Variants in BMPR1A observed in about 807,000 individuals in gnomAD.
The protein encoded by BMPR1A is bone morphogenetic protein receptor type 1A.
Under a neutral mutation model 66.0 loss-of-function variants are expected in BMPR1A, and 7 were observed. The ratio of observed to expected loss-of-function variants is 0.11; its 90% CI spans 0.06 to 0.20. The LOEUF (loss-of-function observed/expected upper bound fraction) is 0.20, where lower values mean the gene tolerates loss of function less well. Among genes scored for constraint, BMPR1A ranks in the 10% least tolerant of loss-of-function variants. The pLI is 1.00. For synonymous variants in BMPR1A, 200 were observed against 229.7 expected (o/e 0.87, Z 1.17); for missense variants, 408 against 669.1 (o/e 0.61, Z 4.31).
intron 2 of BMPR1A, among the ~76,000 whole-genome samples, chr10:86,848,011 ACC>A (rs1399249520): frequency 6.6e-6 from 1 of 150,724 alleles, no homozygotes; most frequent in Non-Finnish European, 1.5e-5. Context: ...GGCTCACTGC[ACC>A]CTTCGCCCCC....
intron 7 of BMPR1A, among the ~76,000 whole-genome samples, chr10:86,909,281 A>G (rs1002284676): frequency 6.6e-6 from 1 of 152,120 alleles, no homozygotes; most frequent in Non-Finnish European, 1.5e-5. Flanking sequence ...TTAAAATGTC[A>G]ATGTAAGGAT....
At chr10:86,826,925 G>A (rs181702370) in intron 1 of BMPR1A, among the ~76,000 whole-genome samples, 1 of 149,964 alleles carries the variant, frequency 6.7e-6, no homozygotes, top group African/African-American at 2.4e-5. Flanking sequence ...TTTTTAAATT[G>A]TTAAAATATT....
At chr10:86,791,860 T>A (rs1000915597) in intron 1 of BMPR1A, among the ~76,000 whole-genome samples, 1 of 149,198 alleles carries the variant, frequency 6.7e-6, no homozygotes, top group African/African-American at 2.5e-5. Context: ...TAGCTGGGAC[T>A]ACAGATGTGT....
At chr10:86,771,720 T>A (rs1304700709) in intron 1 of BMPR1A, among the ~76,000 whole-genome samples, 3 of 152,190 alleles carry the variant, frequency 2.0e-5, no homozygotes, top group African/African-American at 7.2e-5. Flanking sequence ...GTGGTAGAGA[T>A]TTTCCACATT....
intron 1 of BMPR1A, among the ~76,000 whole-genome samples, chr10:86,759,339 T>C (rs1840988024): frequency 1.3e-5 from 2 of 152,264 alleles, no homozygotes; most frequent in South Asian, 4.1e-4. Flanking sequence ...CTTAGAATGA[T>C]TGTTCAGACC....
rs765530870 is a variant in BMPR1A, at chr10:86,899,806, G to A, written c.346G>A (p.Ala116Thr). 3.1e-6 allele frequency: 5 copies of A among 1,613,904 alleles called. No individual in the cohort carries two copies. In the South Asian group the frequency reaches 5.5e-5, roughly 18 times the overall value. ...SDFQCKDSPKAQLRRTIECCR... is the reference protein window; with the variant it reads ...SDFQCKDSPKTQLRRTIECCR... ...ACTCTTCTTTTAGGATTCTCCAAAA[G>A]CCCAGCTACGCCGGACAATAGAATG... The change falls in exon 6 of 13, where the codon GCC becomes ACC. Residue 116 changes from alanine to threonine, a missense_variant. Transcript: ENST00000372037.
chr10:86,783,756 C>T (rs867358566), intron 1 of BMPR1A, among the ~76,000 whole-genome samples: 5 of 152,074 alleles, frequency 3.3e-5, no homozygotes, highest in Non-Finnish European at 7.4e-5. Context: ...GACCAGCTAA[C>T]TTTTAAATTT....
chr10:86,882,974 A>G (rs1843011801), intron 3 of BMPR1A, among the ~76,000 whole-genome samples: 1 of 152,100 alleles, frequency 6.6e-6, no homozygotes. Flanking sequence ...CAAAAAACAA[A>G]CAAAAAAACC....
At chr10:86,762,734 A>G (rs1366033619) in intron 1 of BMPR1A, among the ~76,000 whole-genome samples, 3 of 152,160 alleles carry the variant, frequency 2.0e-5, no homozygotes, top group East Asian at 3.9e-4. Context: ...TAGTTATGTT[A>G]AGATCTACAA....
At chr10:86,805,377 TACACACACACACACAC>T (rs60828047) in intron 1 of BMPR1A, among the ~76,000 whole-genome samples, 1 of 142,984 alleles carries the variant, frequency 7.0e-6, no homozygotes, top group Non-Finnish European at 1.5e-5. Context: ...CTCCTACCTG[TACACACACACACACAC>T]ACACACACAC....
chr10:86,765,805 C>T (rs1841152263), intron 1 of BMPR1A, among the ~76,000 whole-genome samples: 1 of 152,216 alleles, frequency 6.6e-6, no homozygotes, highest in South Asian at 2.1e-4. Context: ...TTCACCTGTG[C>T]CCCAAGATTG....
At chr10:86,771,225 CAT>C (rs1303540528) in intron 1 of BMPR1A, among the ~76,000 whole-genome samples, 5 of 152,092 alleles carry the variant, frequency 3.3e-5, no homozygotes, top group African/African-American at 1.2e-4. Context: ...CGTTAAATAA[CAT>C]AAAAAGCACT....
intron 1 of BMPR1A, among the ~76,000 whole-genome samples, chr10:86,818,036 C>T (rs370886346): frequency 3.5e-4 from 53 of 152,116 alleles, no homozygotes; most frequent in Middle Eastern, 3.4e-3. Context: ...AATATTTTTT[C>T]GAGACGGAGT....
intron 1 of BMPR1A, among the ~76,000 whole-genome samples, chr10:86,758,452 G>A (rs896550201): frequency 1.5e-4 from 22 of 151,036 alleles, no homozygotes; most frequent in Non-Finnish European, 4.4e-5. Context: ...TTAGTGGAGC[G>A]TGAGTTATTT....
chr10:86,881,997 T>G (rs372263361), intron 3 of BMPR1A, among the ~76,000 whole-genome samples: 21 of 147,748 alleles, frequency 1.4e-4, no homozygotes, highest in Admixed American at 4.0e-4. Context: ...ATAACTGTGT[T>G]TTTTTTTTAA....
At chr10:86,815,941 G>A (rs1842031068) in intron 1 of BMPR1A, among the ~76,000 whole-genome samples, 1 of 151,412 alleles carries the variant, frequency 6.6e-6, no homozygotes, top group African/African-American at 2.5e-5. Flanking sequence ...TCTCTTTCTT[G>A]CCTAGGATAT....
intron 2 of BMPR1A, among the ~76,000 whole-genome samples, chr10:86,850,993 A>G (rs1055680674): frequency 6.6e-6 from 1 of 152,216 alleles, no homozygotes; most frequent in Non-Finnish European, 1.5e-5. Context: ...TGAACTATTC[A>G]TGATAGTTGA....
intron 1 of BMPR1A, among the ~76,000 whole-genome samples, chr10:86,822,678 C>A (rs1453849123): frequency 1.3e-5 from 2 of 151,656 alleles, no homozygotes; most frequent in Non-Finnish European, 2.9e-5. Context: ...ACTCTGTCAC[C>A]CAGGCTGGAG....
chr10:86,762,550 G>C (rs536361528), intron 1 of BMPR1A, among the ~76,000 whole-genome samples: 124 of 152,260 alleles, frequency 8.1e-4, no homozygotes, highest in African/African-American at 2.9e-3. Context: ...AGTAGAGACA[G>C]GGTTTTGCCT....
Sources: gnomAD v4.1 joint callset for allele counts (sites outside exome capture counted in the v4.1 genomes callset) on GRCh38, gnomAD v4.1.1 for gene constraint, MANE v1.5 for transcripts, NCBI Gene and HGNC (gene_info 2026-07-23, HGNC 2026-07-21) for gene names.